Variants in DUS1L observed in about 807,000 individuals in gnomAD.
DUS1L encodes the protein dihydrouridine synthase 1 like, also known as tRNA-dihydrouridine(16/17) synthase [NAD(P)(+)]-like.
DUS1L carries 56 observed loss-of-function variants against 61.2 expected under a neutral mutation model. That is an observed-to-expected ratio of 0.92 (90% confidence interval 0.74 to 1.14). DUS1L has a LOEUF of 1.14. Ranked by LOEUF, DUS1L falls within the 50% of genes most tolerant of loss-of-function variation. The pLI is 0.00. For missense variants in DUS1L, 630 were observed against 632.4 expected (o/e 1.00, Z 0.04); for synonymous variants, 278 against 259.5 (o/e 1.07, Z -0.69).
In DUS1L at chr17:82,064,892, G is replaced by C. The variant is rs776471183; in HGVS notation, c.168C>G (p.Arg56=). ...TPMLHAQVFV[R]DANYRKENLY... ...GGTTCTCCTTCCGGTAGTTGGCGTCGCGGACAAAGACCTGGGCATGCAGCA... is the reference window on the plus strand; with the variant it reads ...GGTTCTCCTTCCGGTAGTTGGCGTCCCGGACAAAGACCTGGGCATGCAGCA... Residue 56 remains arginine, a synonymous_variant, in exon 2 of 14, where the codon CGC becomes CGG. Coordinates refer to ENST00000306796, the MANE Select transcript of DUS1L (RefSeq NM_022156.5). 1 of 1,612,742 alleles carries C rather than the reference G, an allele frequency of 6.2e-7. No individual in the cohort carries two copies. Among genetic ancestry groups the C allele is most frequent in the Non-Finnish European group, 8.5e-7 (1 of 1,179,876 alleles).
chr17:82,058,803 C>G lies in DUS1L; in HGVS notation c.1184G>C (p.Cys395Ser). 1 of 1,613,416 alleles carries G rather than the reference C, an allele frequency of 6.2e-7. No individual in the cohort carries two copies. Among genetic ancestry groups the G allele is most frequent in the East Asian group, 2.2e-5 (1 of 44,884 alleles). Residue 395 changes from cysteine (C) to serine (S), a missense_variant, in exon 12 of 14, where the codon TGT (cysteine) becomes TCT (serine). Cys to Ser is a moderately radical substitution (Grantham distance 112, BLOSUM62 -1). Transcript: ENST00000306796. ...DPSLKPKYAKCDQCGNPKGNR... is the reference protein window; with the variant it reads ...DPSLKPKYAKSDQCGNPKGNR... ...CACCTTTGGGTTTCCACACTGGTCA[C>G]ACTTTGCATATTTTGCTAGGAAAAG...
chr17:82,063,267 A>G (rs2033599514), intron 4 of DUS1L: 1 of 708,878 alleles, frequency 1.4e-6, no homozygotes, highest in Non-Finnish European at 2.4e-6. Flanking sequence ...GTCTGGTTTT[A>G]AGGGGTGGGT....
At chr17:82,058,598 C>T (rs2033216868) in intron 12 of DUS1L, 182 bp from the exon 13 acceptor site, 12 of 1,470,850 alleles carry the variant, frequency 8.2e-6, no homozygotes, top group Non-Finnish European at 1.1e-5. Context: ...CTCTCTTCCC[C>T]TCCAGGCCTG....
intron 10 of DUS1L, 88 bp from the exon 11 acceptor site, chr17:82,060,181 G>C: frequency 1.3e-6 from 2 of 1,501,662 alleles, no homozygotes; most frequent in Non-Finnish European, 1.8e-6. Context: ...TGGGTGAGGG[G>C]CCAGGCGGCC....
intron 7 of DUS1L, 44 bp downstream of exon 7, chr17:82,061,574 G>GC (rs1568088734): frequency 6.3e-7 from 1 of 1,581,144 alleles, no homozygotes; most frequent in Non-Finnish European, 8.6e-7. Context: ...GTGGTATCAG[G>GC]CCGTGTGCAT....
chr17:82,064,564 C>T (rs925796719), intron 2 of DUS1L, among the ~76,000 whole-genome samples: 1 of 152,226 alleles, frequency 6.6e-6, no homozygotes, highest in African/African-American at 2.4e-5. Flanking sequence ...TCACAGCACC[C>T]AGGCTGCCTG....
chr17:82,062,625 C>G (rs1283068334), intron 5 of DUS1L, among the ~76,000 whole-genome samples: 1 of 152,318 alleles, frequency 6.6e-6, no homozygotes, highest in East Asian at 1.9e-4. Context: ...TCAGAGATGC[C>G]GACATTACTC....
intron 4 of DUS1L, 168 bp downstream of exon 4, chr17:82,063,300 A>G: frequency 3.2e-6 from 3 of 935,632 alleles, no homozygotes; most frequent in South Asian, 3.0e-5. Flanking sequence ...GCAACTTCAC[A>G]GCCACCTCCT....
chr17:82,063,914 AAG>A (rs371756778), intron 3 of DUS1L, among the ~76,000 whole-genome samples: 4 of 152,196 alleles, frequency 2.6e-5, no homozygotes, highest in Non-Finnish European at 5.9e-5. Flanking sequence ...TCCCTGAGGG[AAG>A]AGAGAGCCAG....
intron 5 of DUS1L, 23 bp from the exon 6 acceptor site, chr17:82,062,006 TG>T (rs1251798501): frequency 1.3e-6 from 2 of 1,569,540 alleles, no homozygotes; most frequent in Non-Finnish European, 1.7e-6. Flanking sequence ...AGTGGTCGCT[TG>T]ACCCCTCCAA....
rs760926515 is a variant in DUS1L at position 82,061,992 on chromosome 17, G to A, written c.511-9C>T. ...CCGTGCACCGTCAGCAACTAGGACA[G>A]AGCAGTGGTCGCTTGACCCCTCCAA... On this transcript the variant is annotated splice_polypyrimidine_tract_variant and intron_variant, in intron 5 of 13. Coordinates refer to ENST00000306796, the MANE Select transcript of DUS1L (RefSeq NM_022156.5). 1.1e-5 allele frequency: 17 copies of A among 1,591,062 alleles called. No homozygotes were observed. In the Middle Eastern group the frequency reaches 7.1e-4, roughly 66 times the overall value.
intron 5 of DUS1L, 138 bp from the exon 6 acceptor site, chr17:82,062,121 C>T (rs2033538238): frequency 1.4e-5 from 10 of 732,118 alleles, no homozygotes; most frequent in Non-Finnish European, 2.2e-5. Flanking sequence ...TGCCCCATGC[C>T]CGACTGCAGG....
intron 11 of DUS1L, 62 bp from the exon 12 acceptor site, chr17:82,058,880 G>T: frequency 2.1e-6 from 3 of 1,448,062 alleles, no homozygotes; most frequent in Non-Finnish European, 2.9e-6. Context: ...TGTGGGGGCT[G>T]CCCCGTCCGC....
At position 82,062,856 on chromosome 17, in the gene DUS1L, C is replaced by T. The variant is rs975292441; in HGVS notation, c.510+5G>A. ...CCATGACACCCCCGCGAGCCCAGGGCTCACCTGGCAGCCGGCCTTCTCCAG... is the reference window on the plus strand; with the variant it reads ...CCATGACACCCCCGCGAGCCCAGGGTTCACCTGGCAGCCGGCCTTCTCCAG... On this transcript the variant is annotated splice_donor_5th_base_variant and intron_variant, in intron 5 of 13. Coordinates refer to ENST00000306796, the MANE Select transcript of DUS1L (RefSeq NM_022156.5). 2 of 1,611,878 alleles carry T rather than the reference C, an allele frequency of 1.2e-6. No individual in the cohort carries two copies. Among genetic ancestry groups the T allele is most frequent in the African/African-American group, 1.3e-5 (1 of 75,046 alleles).
At chr17:82,061,065 C>G (rs1049142440) in intron 8 of DUS1L, 104 bp from the exon 9 acceptor site, 2 of 1,535,192 alleles carry the variant, frequency 1.3e-6, no homozygotes, top group African/African-American at 2.7e-5. Context: ...CTGCCCAACT[C>G]CACTCCTAAG....
At chr17:82,062,363 C>T (rs941172870) in intron 5 of DUS1L, among the ~76,000 whole-genome samples, 1 of 152,216 alleles carries the variant, frequency 6.6e-6, no homozygotes, top group Non-Finnish European at 1.5e-5. Context: ...CTGGGCCTGG[C>T]AGCCCCTGTG....
chr17:82,063,122 CCT>C, intron 4 of DUS1L, 149 bp from the exon 5 acceptor site: 1 of 700,466 alleles, frequency 1.4e-6, no homozygotes, highest in African/African-American at 1.8e-5. Flanking sequence ...TGGGTGTCTC[CCT>C]CAGGTTGCTG....
chr17:82,059,726 T>G, intron 11 of DUS1L: 1 of 601,742 alleles, frequency 1.7e-6, no homozygotes, highest in Non-Finnish European at 2.9e-6. Context: ...CCTCATCTGA[T>G]TCACTGAGCC....
chr17:82,064,465 C>T (rs1335643176), intron 2 of DUS1L, among the ~76,000 whole-genome samples: 1 of 152,246 alleles, frequency 6.6e-6, no homozygotes, highest in Non-Finnish European at 1.5e-5. Context: ...TCACTGACTT[C>T]TGAAGAGCAG....
Sources: gnomAD v4.1 joint callset for allele counts (sites outside exome capture counted in the v4.1 genomes callset) on GRCh38, gnomAD v4.1.1 for gene constraint, MANE v1.5 for transcripts, NCBI Gene and HGNC (gene_info 2026-07-23, HGNC 2026-07-21) for gene names.